CYP46A1: variants seen among roughly 807,000 people sequenced by gnomAD.
CYP46A1 encodes the protein cytochrome P450 family 46 subfamily A member 1, also known as cholesterol 24-hydroxylase.
In CYP46A1, 20 loss-of-function variants were observed where a neutral mutation model predicts 63.3. The ratio of observed to expected loss-of-function variants is 0.32; its 90% confidence interval spans 0.22 to 0.46. CYP46A1 has a LOEUF of 0.46. Ranked by LOEUF, CYP46A1 falls within the 20% of genes least tolerant of loss-of-function variation. The pLI is 1.00. For synonymous variants in CYP46A1, 268 were observed against 273.6 expected, an observed-to-expected ratio of 0.98 and a Z score of 0.20; for missense variants, 445 against 670.8, an observed-to-expected ratio of 0.66 and a Z score of 3.72.
At chr14:99,720,058 G>A (rs541855169) in intron 10 of CYP46A1, among the ~76,000 whole-genome samples, 2 of 152,148 alleles carry the variant, frequency 1.3e-5, no homozygotes, top group African/African-American at 2.4e-5. Context: ...CACCGTGCCC[G>A]GCAGAACTCC....
At chr14:99,699,581 A>G in intron 4 of CYP46A1, 42 bp downstream of exon 4, 1 of 1,606,510 alleles carries the variant, frequency 6.2e-7, no homozygotes, top group Non-Finnish European at 8.5e-7. Context: ...AGGCCAGGAG[A>G]GCCCTGCTGT....
chr14:99,685,875 C>T (rs1427568528), intron 1 of CYP46A1, among the ~76,000 whole-genome samples: 1 of 152,062 alleles, frequency 6.6e-6, no homozygotes, highest in African/African-American at 2.4e-5. Flanking sequence ...GATGCTTCTT[C>T]CCCCAGCCTT....
chr14:99,702,607 ATTAT>A (rs1216115799), intron 5 of CYP46A1, among the ~76,000 whole-genome samples: 2 of 152,090 alleles, frequency 1.3e-5, no homozygotes, highest in African/African-American at 4.8e-5. Context: ...AGATTCACTT[ATTAT>A]TTATTATTTA....
chr14:99,694,605 T>C (rs1296566137), intron 3 of CYP46A1, among the ~76,000 whole-genome samples: 1 of 152,108 alleles, frequency 6.6e-6, no homozygotes, highest in African/African-American at 2.4e-5. Flanking sequence ...GTTCAAGTGA[T>C]TCTCCTGCCT....
In CYP46A1 at chr14:99,684,382, G is replaced by GC. The variant is rs1477727948; in HGVS notation, c.-33dup. 6.2e-6 allele frequency: 8 copies of GC among 1,292,000 alleles called. No homozygotes were observed. The highest frequency in any genetic ancestry group is 2.0e-6 in the Non-Finnish European group (2 of 1,016,552). The allele number at this position is 1,292,000 out of a possible 1,614,324, so 80.0% of individuals were successfully genotyped here. A position where few individuals can be genotyped will look rare whatever the true frequency, so the allele number is the denominator to read the frequency against. The stretch of plus-strand genomic sequence containing the variant: ...GGCCTCCCGGCCCCCTCGGCGCCCG[G>GC]CCCGACCCTGGCCTGGCCTGCCCTG... On this transcript the variant is annotated 5_prime_UTR_variant, in exon 1 of 15. Coordinates refer to ENST00000261835, the MANE Select transcript of CYP46A1 (RefSeq NM_006668.2).
intron 12 of CYP46A1, among the ~76,000 whole-genome samples, chr14:99,724,129 G>T (rs992218408): frequency 4.6e-5 from 7 of 152,056 alleles, no homozygotes; most frequent in Non-Finnish European, 8.8e-5. Flanking sequence ...GTTGGATTAG[G>T]GCCCATCCTA....
At position 99,707,153 on chromosome 14, in the gene CYP46A1, C is replaced by A. The variant is rs543070152; in HGVS notation, c.582+368C>A. Among the ~76,000 whole-genome samples, 14 of 152,336 alleles carry A rather than the reference C, an allele frequency of 9.2e-5. No individual in the cohort carries two copies. In the South Asian group the frequency reaches 2.9e-3, roughly 32 times the overall value. On this transcript the variant is annotated intron_variant, in intron 6 of 14. Coordinates refer to ENST00000261835, the MANE Select transcript of CYP46A1 (RefSeq NM_006668.2). ...ACCCCAGTAGACTCAGCAGTGGGCC[C>A]AGTAACCCCAAACCCCACTTTATGT...
chr14:99,705,820 G>A (rs2056671256), intron 5 of CYP46A1, among the ~76,000 whole-genome samples: 1 of 152,196 alleles, frequency 6.6e-6, no homozygotes, highest in African/African-American at 2.4e-5. Context: ...AGCTACTCGG[G>A]AGCCTGAGAC....
At chr14:99,692,322 G>A (rs968056381) in intron 3 of CYP46A1, among the ~76,000 whole-genome samples, 8 of 152,226 alleles carry the variant, frequency 5.3e-5, no homozygotes, top group African/African-American at 1.9e-4. Flanking sequence ...AATCCTCATA[G>A]GAGTAGGGAC....
intron 3 of CYP46A1, among the ~76,000 whole-genome samples, chr14:99,694,545 G>T: frequency 6.7e-6 from 1 of 150,200 alleles, no homozygotes; most frequent in African/African-American, 2.5e-5. Flanking sequence ...TGTCACCTAG[G>T]CTGGAGTGCA....
intron 3 of CYP46A1, among the ~76,000 whole-genome samples, chr14:99,694,800 C>G (rs2056573854): frequency 6.6e-6 from 1 of 152,134 alleles, no homozygotes; most frequent in African/African-American, 2.4e-5. Context: ...CACCCCCAGC[C>G]AATTTCTCCT....
intron 5 of CYP46A1, among the ~76,000 whole-genome samples, chr14:99,700,411 C>T (rs1478641143): frequency 6.6e-6 from 1 of 152,194 alleles, no homozygotes; most frequent in Non-Finnish European, 1.5e-5. Flanking sequence ...CTCATCACTC[C>T]TTGTCAGGGC....
At chr14:99,688,972 C>T (rs894820640) in intron 1 of CYP46A1, among the ~76,000 whole-genome samples, 3 of 152,220 alleles carry the variant, frequency 2.0e-5, no homozygotes, top group Admixed American at 6.5e-5. Flanking sequence ...CCAGTGCTCC[C>T]GCTCAGTCCA....
chr14:99,695,135 G>C (rs1388212852), intron 3 of CYP46A1, among the ~76,000 whole-genome samples: 1 of 152,124 alleles, frequency 6.6e-6, no homozygotes, highest in Non-Finnish European at 1.5e-5. Context: ...ATTTAATTCT[G>C]TAAAGTCAGA....
rs1258022516 is a variant in CYP46A1 at position 99,722,349 on chromosome 14, G to A, written c.1176+283G>A. The stretch of plus-strand genomic sequence containing the variant: ...AGAGAGGTTAGGTCACTTTCCTGGG[G>A]TCACACAGCTGGTGAAAAGCAGATA... On this transcript the variant is annotated intron_variant, in intron 12 of 14. Transcript: ENST00000261835. The surrounding 1 kb of genome is among the most constrained non-coding windows in gnomAD (Gnocchi z 4.6). Among the ~76,000 whole-genome samples the A allele has an allele frequency of 6.6e-6, 1 of 152,148 alleles. No individual in the cohort carries two copies. Among genetic ancestry groups the A allele is most frequent in the East Asian group, 1.9e-4 (1 of 5,188 alleles).
At chr14:99,696,876 A>G (rs1173551338) in intron 3 of CYP46A1, among the ~76,000 whole-genome samples, 1 of 152,242 alleles carries the variant, frequency 6.6e-6, no homozygotes, top group East Asian at 1.9e-4. Context: ...GAGATGATAA[A>G]GTTACTTGCA....
intron 3 of CYP46A1, among the ~76,000 whole-genome samples, chr14:99,694,076 T>C (rs937979468): frequency 7.3e-6 from 1 of 136,518 alleles, no homozygotes; most frequent in African/African-American, 2.5e-5. Context: ...TGTAATCATA[T>C]GGCATTTGTC....
intron 1 of CYP46A1, among the ~76,000 whole-genome samples, chr14:99,689,082 C>G (rs1451371103): frequency 6.6e-6 from 1 of 152,168 alleles, no homozygotes; most frequent in East Asian, 1.9e-4. Context: ...CATCCAATCA[C>G]TGGGCTGGAA....
chr14:99,722,678 T>TGTGTGTGC lies in CYP46A1; in HGVS notation c.1176+613_1176+614insTGTGTGCG, dbSNP rs1491237225. On this transcript the variant is annotated intron_variant, in intron 12 of 14. Coordinates refer to ENST00000261835, the MANE Select transcript of CYP46A1 (RefSeq NM_006668.2). The surrounding 1 kb of genome is among the most constrained non-coding windows in gnomAD (Gnocchi z 4.6). Reference sequence around the variant, plus strand: ...GTGTGTGTGTGTGTGTGTGTGTGTGTGCCTGTGTGCATTCACGCAGTAATA... The same window carrying TGTGTGTGC: ...GTGTGTGTGTGTGTGTGTGTGTGTGTGTGTGTGCGCCTGTGTGCATTCACGCAGTAATA... 1.3e-5 allele frequency among the ~76,000 whole-genome samples: 2 copies of TGTGTGTGC among 150,138 alleles called. No homozygotes were observed. The highest frequency in any genetic ancestry group is 2.5e-5 in the African/African-American group (1 of 40,136).
Sources: allele counts gnomAD v4.1 joint callset (sites outside exome capture counted in the v4.1 genomes callset), GRCh38; gene constraint gnomAD v4.1.1; non-coding constraint Gnocchi (gnomAD v3.1); transcripts MANE v1.5; gene names NCBI Gene and HGNC (gene_info 2026-07-23, HGNC 2026-07-21).